The following PAXIP1 variants were observed in gnomAD, a reference collection of about 807,000 sequenced individuals.
The protein encoded by PAXIP1 is PAX-interacting protein 1.
Under a neutral mutation model 140.6 loss-of-function variants are expected in PAXIP1, and 19 were observed. The ratio of observed to expected loss-of-function variants is 0.14; its 90% CI spans 0.09 to 0.20. The LOEUF is 0.20. Ranked by LOEUF, PAXIP1 falls within the 10% of genes least tolerant of loss-of-function variation. The pLI is 1.00. For synonymous variants in PAXIP1, 442 were observed against 444.6 expected (o/e 0.99, Z 0.07); for missense variants, 920 against 1,208.6 (o/e 0.76, Z 3.54).
chr7:154,993,712 A>G lies in PAXIP1; in HGVS notation c.260+14T>C. On this transcript the variant is annotated intron_variant, in intron 3 of 20. Coordinates refer to ENST00000404141, the MANE Select transcript of PAXIP1 (RefSeq NM_007349.4). ...TTACCCTTTCCCTCCTCCCCCACTCAAAAAAAAGGATACGGCAGAAGAGTT... is the reference window on the plus strand; with the variant it reads ...TTACCCTTTCCCTCCTCCCCCACTCGAAAAAAAGGATACGGCAGAAGAGTT... 4 of 1,531,854 alleles carry G rather than the reference A, an allele frequency of 2.6e-6. No homozygotes were observed. The highest frequency in any genetic ancestry group is 3.6e-6 in the Non-Finnish European group (4 of 1,124,234). The allele number at this position is 1,531,854 out of a possible 1,614,324, so 94.9% of individuals were successfully genotyped here.
At chr7:154,974,232 CCATT>C (rs1809461874) in intron 6 of PAXIP1, 2 of 152,220 alleles carry the variant, frequency 1.3e-5, no homozygotes, top group Non-Finnish European at 2.9e-5. Flanking sequence ...CTGGATCCTC[CCATT>C]CATTTTTTTC....
rs919612577 is a variant in PAXIP1, at chr7:154,968,456, G to A, written c.1745C>T (p.Pro582Leu). ...CTGATGCTGCTGAGGCGATGGTGGT[G>A]GCTGCTGTTGCTGCTGCTGCTGCGG... The part of the protein sequence containing the change: ...QPPQQQQQQQ[P>L]PPSPQQHQLF... The change falls in exon 7 of 21, where the codon CCA becomes CTA. Residue 582 changes from proline (P) to leucine (L), a missense_variant. This residue lies in a region of PAXIP1 where 3 missense variants were observed against 18.6 expected (regional missense o/e 0.16). Transcript: ENST00000404141. 1 of 1,478,252 alleles carries A rather than the reference G, an allele frequency of 6.8e-7. No individual in the cohort carries two copies. Among genetic ancestry groups the A allele is most frequent in the African/African-American group, 1.4e-5 (1 of 71,696 alleles). The allele number at this position is 1,478,252 out of a possible 1,614,324, so 91.6% of individuals were successfully genotyped here.
At chr7:154,967,287 G>A (rs1809067881) in intron 8 of PAXIP1, 1 of 152,932 alleles carries the variant, frequency 6.5e-6, no homozygotes, top group Non-Finnish European at 1.5e-5. Context: ...TTTAAACTCG[G>A]TTTTTATAAA....
rs572306420 is a variant in PAXIP1 at position 154,990,371 on chromosome 7, A to C, written c.324+635T>G. ...GGGATAAGTTTCTAAACATAAAAGA[A>C]ATGCAGGTGAAAACGAAATGAGTAT... On this transcript the variant is annotated intron_variant, in intron 4 of 20. Coordinates refer to ENST00000404141, the MANE Select transcript of PAXIP1 (RefSeq NM_007349.4). 3.3e-5 allele frequency among the ~76,000 whole-genome samples: 5 copies of C among 152,266 alleles called. No individual in the cohort carries two copies. The East Asian group carries it at 9.7e-4, about 29-fold the overall frequency.
intron 1 of PAXIP1, chr7:155,001,755 C>A (rs1810906986): frequency 6.6e-6 from 1 of 152,286 alleles, no homozygotes. Flanking sequence ...GCCTTGGCCT[C>A]CCAAAGTGCT....
At chr7:154,979,174 C>G (rs1258250396) in intron 5 of PAXIP1, among the ~76,000 whole-genome samples, 2 of 152,168 alleles carry the variant, frequency 1.3e-5, no homozygotes, top group African/African-American at 4.8e-5. Flanking sequence ...CTCAAAACTT[C>G]TAACTCACTA....
rs531076781 is a variant in PAXIP1, at chr7:154,953,822, G to A, written c.2821+433C>T. Among the ~76,000 whole-genome samples the A allele has an allele frequency of 2.8e-4, 43 of 152,258 alleles. No individual in the cohort carries two copies. The South Asian group carries it at 8.7e-3, about 31-fold the overall frequency. On this transcript the variant is annotated intron_variant, in intron 16 of 20. Transcript: ENST00000404141. ...TTCTCTTTGGGGGCTCTGAACAATGGAAGATGGGCAAGAGGACATAGATGT... is the reference window on the plus strand; with the variant it reads ...TTCTCTTTGGGGGCTCTGAACAATGAAAGATGGGCAAGAGGACATAGATGT...
Position 154,946,931 on chromosome 7 carries a change from A to G in PAXIP1, c.2923-118T>C, listed in dbSNP as rs1034552857. On this transcript the variant is annotated intron_variant, in intron 17 of 20. Transcript: ENST00000404141. The surrounding 1 kb of genome is among the most constrained non-coding windows in gnomAD (Gnocchi z 4.9). ...ACAAAATTTCAAATTTTATGACATT[A>G]TGAAGGTACTATTCTCCTACTAGCA... The G allele has an allele frequency of 2.8e-6, 2 of 713,230 alleles. No homozygotes were observed. Among genetic ancestry groups the G allele is most frequent in the African/African-American group, 3.6e-5 (2 of 56,128 alleles). 44.2% of individuals were successfully genotyped at this position (713,230 alleles called of 1,614,324 possible). A position where few individuals can be genotyped will look rare whatever the true frequency, so the allele number is the denominator to read the frequency against.
intron 16 of PAXIP1, chr7:154,949,474 A>C (rs1449837554): frequency 6.6e-6 from 1 of 152,180 alleles, no homozygotes; most frequent in African/African-American, 2.4e-5. Context: ...AAAAACAAAA[A>C]ATGATGAATT....
chr7:154,975,628 T>A (rs897568120), intron 6 of PAXIP1, 68 bp downstream of exon 6: 1 of 1,117,824 alleles, frequency 8.9e-7, no homozygotes, highest in Non-Finnish European at 1.3e-6. Flanking sequence ...ATAAACTACA[T>A]TGAAATAGAC....
chr7:154,978,099 TAA>T (rs1809685039), intron 5 of PAXIP1, among the ~76,000 whole-genome samples: 2 of 152,226 alleles, frequency 1.3e-5, no homozygotes, highest in Admixed American at 1.3e-4. Context: ...CTCAAATTGA[TAA>T]AGACTTTCTA....
At chr7:154,959,397 G>A (rs1354565327) in intron 13 of PAXIP1, among the ~76,000 whole-genome samples, 1 of 152,198 alleles carries the variant, frequency 6.6e-6, no homozygotes. Context: ...AGTCTAAACT[G>A]AAAAATTATT....
chr7:154,993,789 A>T lies in PAXIP1; in HGVS notation c.217-20T>A. The T allele has an allele frequency of 3.2e-6, 5 of 1,548,994 alleles. No individual in the cohort carries two copies. The highest frequency in any genetic ancestry group is 4.4e-6 in the Non-Finnish European group (5 of 1,143,110). ...AGAAGGCTGAAAAAGAAAAGATTAA[A>T]TCAAAAAGTATTCTCAATTTACAAG... On this transcript the variant is annotated intron_variant, in intron 2 of 20. Coordinates refer to ENST00000404141, the MANE Select transcript of PAXIP1 (RefSeq NM_007349.4).
intron 2 of PAXIP1, among the ~76,000 whole-genome samples, chr7:154,995,678 C>T (rs1180335786): frequency 2.6e-5 from 4 of 152,086 alleles, no homozygotes; most frequent in Non-Finnish European, 4.4e-5. Context: ...GGTGAAACCC[C>T]GTCTCTACTA....
At position 154,944,066 on chromosome 7, in the gene PAXIP1, T is replaced by C. The variant is rs777146404; in HGVS notation, c.*83A>G. 1 of 1,321,574 alleles carries C rather than the reference T, an allele frequency of 7.6e-7. No homozygotes were observed. The highest frequency in any genetic ancestry group is 1.2e-5 in the South Asian group (1 of 82,360). 81.9% of individuals were successfully genotyped at this position (1,321,574 alleles called of 1,614,324 possible). A position where few individuals can be genotyped will look rare whatever the true frequency, so the allele number is the denominator to read the frequency against. Reference sequence around the variant, plus strand: ...AAAGCAGCTGGAAAACAAGAGCATGTGAAGGAAGCGCAGCAGCTCCTCGCC... The same window carrying C: ...AAAGCAGCTGGAAAACAAGAGCATGCGAAGGAAGCGCAGCAGCTCCTCGCC... On this transcript the variant is annotated 3_prime_UTR_variant, in exon 21 of 21. Coordinates refer to ENST00000404141, the MANE Select transcript of PAXIP1 (RefSeq NM_007349.4).
chr7:154,948,881 C>T (rs1003389087), intron 16 of PAXIP1: 2 of 152,032 alleles, frequency 1.3e-5, no homozygotes, highest in Non-Finnish European at 2.9e-5. Context: ...ACCAAACACA[C>T]ATTCAAGTAT....
chr7:154,966,640 A>C (rs566468079), intron 8 of PAXIP1, among the ~76,000 whole-genome samples: 3 of 152,308 alleles, frequency 2.0e-5, no homozygotes, highest in East Asian at 1.9e-4. Context: ...ACTTTTAAAA[A>C]ATCTCTGCTG....
At chr7:154,985,079 C>T (rs535898716) in intron 4 of PAXIP1, among the ~76,000 whole-genome samples, 1 of 152,306 alleles carries the variant, frequency 6.6e-6, no homozygotes, top group South Asian at 2.1e-4. Context: ...GATTAAATGA[C>T]TTTGAACATC....
chr7:155,003,344 C>T (rs1479332368), upstream of PAXIP1: 2 of 151,870 alleles, frequency 1.3e-5, no homozygotes, highest in East Asian at 3.9e-4. Flanking sequence ...GCTCCCCCCT[C>T]GGCGGGGCCG....
Sources: allele counts gnomAD v4.1 joint callset (sites outside exome capture counted in the v4.1 genomes callset), GRCh38; gene constraint gnomAD v4.1.1; regional missense constraint gnomAD v4.1.1; non-coding constraint Gnocchi (gnomAD v3.1); transcripts MANE v1.5; gene names NCBI Gene and HGNC (gene_info 2026-07-23, HGNC 2026-07-21).